GAK: variants seen among roughly 807,000 people sequenced by gnomAD.
GAK encodes cyclin G associated kinase, also known as cyclin-G-associated kinase.
In GAK, 79 loss-of-function variants were observed where a neutral mutation model predicts 143.9. The ratio of observed to expected loss-of-function variants is 0.55; its 90% CI spans 0.46 to 0.66. The LOEUF is 0.66. Among genes scored for constraint, GAK ranks in the 30% least tolerant of loss-of-function variants. The pLI is 0.00. For synonymous variants in GAK, 881 were observed against 765.5 expected (o/e 1.15, Z -2.49); for missense variants, 1,693 against 1,779.7 (o/e 0.95, Z 0.88).
At chr4:879,211 C>G (rs999823310) in intron 15 of GAK, among the ~76,000 whole-genome samples, 1 of 152,208 alleles carries the variant, frequency 6.6e-6, no homozygotes, top group Non-Finnish European at 1.5e-5. Flanking sequence ...CCCCACCATC[C>G]TGTTCTGAAC....
chr4:902,605 A>AAAAAAAAAAAAAAAC (rs1180561371), intron 5 of GAK, among the ~76,000 whole-genome samples: 14 of 130,308 alleles, frequency 1.1e-4, no homozygotes, highest in East Asian at 2.4e-4. Flanking sequence ...TCAAAAAAAA[A>AAAAAAAAAAAAAAAC]AAAAAAAAAC....
chr4:888,955 T>G lies in GAK; in HGVS notation c.1097A>C (p.Glu366Ala). Reference protein sequence around the residue: ...SGYSGGLALAEYDQPYGGFLD... With the variant: ...SGYSGGLALAAYDQPYGGFLD... ...GAAGCCGCCATACGGCTGGTCGTAC[T>G]CCGCCAGCGCCAGGCCTGCAGGGAG... Residue 366 changes from glutamate to alanine, a missense_variant, in exon 11 of 28, where the codon GAG becomes GCG. Coordinates refer to ENST00000314167, the MANE Select transcript of GAK (RefSeq NM_005255.4). The G allele has an allele frequency of 6.2e-7, 1 of 1,611,188 alleles. No homozygotes were observed. Among genetic ancestry groups the G allele is most frequent in the South Asian group, 1.1e-5 (1 of 90,924 alleles).
intron 6 of GAK, among the ~76,000 whole-genome samples, chr4:897,163 C>T (rs151300597): frequency 8.5e-5 from 13 of 152,330 alleles, no homozygotes; most frequent in East Asian, 5.8e-4. Context: ...AGTGAATCTC[C>T]GTGCACGGCA....
At chr4:861,956 C>G (rs1369136208) in intron 23 of GAK, among the ~76,000 whole-genome samples, 1 of 152,240 alleles carries the variant, frequency 6.6e-6, no homozygotes, top group East Asian at 1.9e-4. Flanking sequence ...GGGGCTGAGG[C>G]TGAAGGAAAG....
At chr4:925,861 T>C (rs748680104) in intron 1 of GAK, among the ~76,000 whole-genome samples, 1 of 152,196 alleles carries the variant, frequency 6.6e-6, no homozygotes, top group Non-Finnish European at 1.5e-5. Context: ...TACGACGTTC[T>C]GTTACAGCAG....
chr4:904,865 A>T, intron 4 of GAK, 86 bp from the exon 5 acceptor site: 3 of 1,357,232 alleles, frequency 2.2e-6, no homozygotes, highest in Non-Finnish European at 2.0e-6. Context: ...GACTTCCCAG[A>T]ACTAAATGGA....
rs536279744 is a variant in GAK, at chr4:924,018, C to G, written c.145+8025G>C. On this transcript the variant is annotated intron_variant, in intron 1 of 27. Coordinates refer to ENST00000314167, the MANE Select transcript of GAK (RefSeq NM_005255.4). ...TGACCAACATAGTGACACCCCATTT[C>G]TACTAAAAAATACAAAATTAGCTGG... Among the ~76,000 whole-genome samples the G allele has an allele frequency of 1.8e-4, 28 of 151,954 alleles. 1 individual carries two copies. In the South Asian group the frequency reaches 4.6e-3, roughly 25 times the overall value.
In GAK at chr4:859,613, G is replaced by A. The variant is rs756242537; in HGVS notation, c.3276C>T (p.Gly1092=). ...AAGTGCCCTCCACGTTACCTTGGAG[G>A]CCGGAGCTGAGGTCGCCAAGGTCAG... ...PFADLGDLSS[G]LQGSPAGFPP... Residue 1092 remains glycine (G), a synonymous_variant, in exon 24 of 28, where the codon GGC becomes GGT. Coordinates refer to ENST00000314167, the MANE Select transcript of GAK (RefSeq NM_005255.4). 5.0e-6 allele frequency: 8 copies of A among 1,596,628 alleles called. No individual in the cohort carries two copies. The Admixed American group carries it at 1.2e-4, about 23-fold the overall frequency.
chr4:888,902 G>A lies in GAK; in HGVS notation c.1150C>T (p.Arg384Trp), dbSNP rs758148254. The change falls in exon 11 of 28, where the codon CGG (arginine) becomes TGG (tryptophan). Residue 384 changes from arginine (R) to tryptophan (W), a missense_variant. Physicochemically the swap from Arg to Trp is moderately radical, Grantham distance 101 (BLOSUM62 -3). Around this residue, in one of 2 missense-constraint regions of GAK, gnomAD observed 871 missense variants for 991.0 expected, o/e 0.88. Transcript: ENST00000314167. ...GTGTCCTTGAGGTTGGTGAAGAGCC[G>A]CTCTGTCCCACCCCGCAGAATGTCC... ...FLDILRGGTE[R>W]LFTNLKDTSS... is the part of the protein sequence containing the mutation. 9 of 1,611,940 alleles carry A rather than the reference G, an allele frequency of 5.6e-6. No homozygotes were observed. Among genetic ancestry groups the A allele is most frequent in the Middle Eastern group, 3.3e-4 (2 of 6,082 alleles).
intron 4 of GAK, among the ~76,000 whole-genome samples, chr4:906,060 C>T (rs569332189): frequency 6.6e-6 from 1 of 151,564 alleles, no homozygotes; most frequent in East Asian, 1.9e-4. Flanking sequence ...AACGTGAGAA[C>T]CACATCGGCA....
At chr4:920,753 A>G (rs1249167513) in intron 1 of GAK, among the ~76,000 whole-genome samples, 1 of 151,900 alleles carries the variant, frequency 6.6e-6, no homozygotes, top group African/African-American at 2.4e-5. Flanking sequence ...CATGTTGGCC[A>G]GGATGGTCTC....
chr4:924,507 T>C (rs929423084), intron 1 of GAK, among the ~76,000 whole-genome samples: 1 of 142,440 alleles, frequency 7.0e-6, no homozygotes, highest in Admixed American at 6.8e-5. Context: ...AAAAAAAATG[T>C]TCTCGGCACC....
At chr4:930,076 A>G (rs1018163996) in intron 1 of GAK, among the ~76,000 whole-genome samples, 1 of 152,220 alleles carries the variant, frequency 6.6e-6, no homozygotes, top group Non-Finnish European at 1.5e-5. Flanking sequence ...AAACATCTGT[A>G]CTCAAGGGTT....
intron 20 of GAK, among the ~76,000 whole-genome samples, chr4:868,062 C>A (rs979318677): frequency 5.9e-5 from 9 of 152,216 alleles, no homozygotes; most frequent in Admixed American, 6.5e-5. Context: ...CAGGAAGTGG[C>A]AGGTGCATCC....
At chr4:909,734 C>T (rs879289347) in intron 4 of GAK, among the ~76,000 whole-genome samples, 18 of 152,202 alleles carry the variant, frequency 1.2e-4, no homozygotes, top group Non-Finnish European at 2.1e-4. Flanking sequence ...GGAAAGCCGC[C>T]GTGGGACACG....
At chr4:883,210 G>GC in intron 13 of GAK, 105 bp downstream of exon 13, 2 of 1,359,758 alleles carry the variant, frequency 1.5e-6, no homozygotes, top group African/African-American at 2.9e-5. Flanking sequence ...ACCTCCGGCC[G>GC]CCCCCATCAC....
At chr4:915,359 C>A in intron 1 of GAK, 1 of 186,396 alleles carries the variant, frequency 5.4e-6, no homozygotes, top group Non-Finnish European at 1.1e-5. Flanking sequence ...ACAAGCAGTT[C>A]TCCAAAGACC....
intron 1 of GAK, among the ~76,000 whole-genome samples, chr4:927,848 C>T (rs1452259389): frequency 6.6e-6 from 1 of 152,192 alleles, no homozygotes; most frequent in Non-Finnish European, 1.5e-5. Context: ...AGCGCAGCCA[C>T]CGCACTTCAG....
intron 5 of GAK, among the ~76,000 whole-genome samples, chr4:899,054 C>T (rs1162815721): frequency 6.6e-6 from 1 of 152,122 alleles, no homozygotes; most frequent in Non-Finnish European, 1.5e-5. Context: ...AACGCAGTGA[C>T]TCAGCCCCAC....
Sources: allele counts gnomAD v4.1 joint callset (sites outside exome capture counted in the v4.1 genomes callset), GRCh38; gene constraint gnomAD v4.1.1; regional missense constraint gnomAD v4.1.1; transcripts MANE v1.5; gene names NCBI Gene and HGNC (gene_info 2026-07-23, HGNC 2026-07-21).